SPNS3: variants seen among roughly 807,000 people sequenced by gnomAD.
SPNS3 encodes protein spinster homolog 3.
A neutral mutation model predicts 54.4 loss-of-function variants in SPNS3; 51 were observed. The observed-to-expected ratio is 0.94, with a 90% CI of 0.75 to 1.18. The LOEUF (loss-of-function observed/expected upper bound fraction) is 1.18. Among genes scored for constraint, SPNS3 ranks in the 50% most tolerant of loss-of-function variants. SPNS3 has a pLI of 0.00. For missense variants in SPNS3, 669 were observed against 677.4 expected (o/e 0.99, Z 0.14); for synonymous variants, 309 against 294.7 (o/e 1.05, Z -0.50).
At position 4,460,429 on chromosome 17, in the gene SPNS3, A is replaced by ATTT. The variant is rs34851131; in HGVS notation, c.1113+7242_1113+7244dup. On this transcript the variant is annotated intron_variant, in intron 8 of 11. Coordinates refer to ENST00000355530, the MANE Select transcript of SPNS3 (RefSeq NM_182538.5). The stretch of plus-strand genomic sequence containing the variant: ...GGTAATCATTTTTATGTATTGCTGG[A>ATTT]TTTTTTTTTTTTTTTTTTTTGAGAC... Among the ~76,000 whole-genome samples the ATTT allele has an allele frequency of 4.2e-3, 411 of 98,912 alleles. 18 individuals carry two copies. The highest frequency in any genetic ancestry group is 0.012 in the African/African-American group (324 of 26,968). 64.9% of individuals were successfully genotyped at this position (98,912 alleles called of 152,430 possible).
At chr17:4,448,104 T>G in intron 5 of SPNS3, 51 bp from the exon 6 acceptor site, 1 of 1,516,484 alleles carries the variant, frequency 6.6e-7, no homozygotes, top group Non-Finnish European at 8.8e-7. Context: ...GGGGGTCCCT[T>G]GGGCTGTGAT....
intron 8 of SPNS3, among the ~76,000 whole-genome samples, chr17:4,457,587 A>G (rs4318272): frequency 0.87 from 133,116 of 152,160 alleles, 59,570 homozygotes; most frequent in Non-Finnish European, 0.96. Context: ...GCCTGACCTC[A>G]CAGGGAGGCT....
chr17:4,457,934 T>A (rs1046301860), intron 8 of SPNS3, among the ~76,000 whole-genome samples: 2 of 152,272 alleles, frequency 1.3e-5, no homozygotes, highest in South Asian at 4.1e-4. Flanking sequence ...GCTGGGAAGC[T>A]GCTGGGTCTG....
At chr17:4,473,759 CA>C (rs1367271348) in intron 8 of SPNS3, among the ~76,000 whole-genome samples, 1 of 152,116 alleles carries the variant, frequency 6.6e-6, no homozygotes. Context: ...CTGGTGTCCA[CA>C]GGGGAGCTTG....
chr17:4,462,760 TCC>T (rs1192747034), intron 8 of SPNS3, among the ~76,000 whole-genome samples: 768 of 69,822 alleles, frequency 0.011, 35 homozygotes, highest in African/African-American at 0.033. Context: ...CACCAATCCA[TCC>T]ATCCATCCAT....
chr17:4,451,845 T>TA (rs538015103), intron 7 of SPNS3, among the ~76,000 whole-genome samples: 108 of 146,244 alleles, frequency 7.4e-4, no homozygotes, highest in African/African-American at 2.5e-3. Flanking sequence ...ATTTTTGTAT[T>TA]TTTTTTTTTT....
Position 4,448,181 on chromosome 17 carries a change from C to A in SPNS3, c.648C>A (p.Ala216=). ...TCATGCCCTGCCTGGAGGCCGTGGC[C>A]TTGATCCTGCTTATCCTGCTGGTTC... ...LRVMPCLEAV[A]LILLILLVPD... Residue 216 remains alanine (A), a synonymous_variant, in exon 6 of 12, where the codon GCC becomes GCA. Transcript: ENST00000355530. 6.2e-7 allele frequency: 1 copy of A among 1,601,516 alleles called. No individual in the cohort carries two copies. The highest frequency in any genetic ancestry group is 1.7e-5 in the Admixed American group (1 of 57,618).
Position 4,486,108 on chromosome 17 carries a change from C to A in SPNS3, c.1180-120C>A. The A allele has an allele frequency of 1.2e-6, 1 of 829,664 alleles. No homozygotes were observed. 51.4% of individuals were successfully genotyped at this position (829,664 alleles called of 1,614,324 possible). ...TTAGACCTTGGGGACCGTCGACTCC[C>A]TCCCATCCCACTCACCTGAATGGCC... On this transcript the variant is annotated intron_variant, in intron 9 of 11. Coordinates refer to ENST00000355530, the MANE Select transcript of SPNS3 (RefSeq NM_182538.5). This position sits in a 1 kb window ranked among gnomAD's most constrained non-coding sequence, Gnocchi z 5.5.
intron 8 of SPNS3, among the ~76,000 whole-genome samples, chr17:4,468,296 A>C (rs927128886): frequency 5.3e-5 from 8 of 152,214 alleles, no homozygotes; most frequent in African/African-American, 1.9e-4. Flanking sequence ...CAAACAAAAA[A>C]TAAATTAAAA....
At position 4,487,846 on chromosome 17, in the gene SPNS3, G is replaced by A. The variant is rs1242405662; in HGVS notation, c.1491G>A (p.Glu497=). Residue 497 remains glutamate (E), a synonymous_variant, in exon 12 of 12, where the codon GAG becomes GAA. Coordinates refer to ENST00000355530, the MANE Select transcript of SPNS3 (RefSeq NM_182538.5). Reference sequence around the variant, plus strand: ...ATGATGTGGACAGCAACGACCTGGAGAGACAAGGCCTACTTTCGGGCGCTG... The same window carrying A: ...ATGATGTGGACAGCAACGACCTGGAAAGACAAGGCCTACTTTCGGGCGCTG... ...DSNDVDSNDL[E]RQGLLSGAGA... 7 of 1,614,162 alleles carry A rather than the reference G, an allele frequency of 4.3e-6. No homozygotes were observed. The highest frequency in any genetic ancestry group is 4.5e-5 in the East Asian group (2 of 44,892).
At chr17:4,443,383 T>C (rs1970903359) in intron 2 of SPNS3, among the ~76,000 whole-genome samples, 1 of 152,204 alleles carries the variant, frequency 6.6e-6, no homozygotes, top group Non-Finnish European at 1.5e-5. Flanking sequence ...GAAATAGTTT[T>C]ATAACTTTTG....
rs1249147301 is a variant in SPNS3, at chr17:4,468,133, C to T, written c.1114-10439C>T. Among the ~76,000 whole-genome samples the T allele has an allele frequency of 2.0e-5, 3 of 152,122 alleles. No homozygotes were observed. The East Asian group carries it at 5.8e-4, about 29-fold the overall frequency. ...TTTAACAGGCTCTCTCTGGCTGCCA[C>T]GTTGAGAATAGAATGAAAGAGGACA... On this transcript the variant is annotated intron_variant, in intron 8 of 11. Coordinates refer to ENST00000355530, the MANE Select transcript of SPNS3 (RefSeq NM_182538.5).
chr17:4,439,415 C>T (rs962539824), intron 1 of SPNS3, among the ~76,000 whole-genome samples: 12 of 152,296 alleles, frequency 7.9e-5, no homozygotes, highest in South Asian at 2.1e-4. Context: ...CGTGAGCCAC[C>T]GTGCCCAGCC....
intron 8 of SPNS3, among the ~76,000 whole-genome samples, chr17:4,475,089 CTG>C (rs1397546420): frequency 1.3e-5 from 2 of 152,142 alleles, no homozygotes; most frequent in African/African-American, 4.8e-5. Flanking sequence ...GTGTGGGTCT[CTG>C]TGGCCGGGGA....
At chr17:4,449,414 C>G (rs779123328) in intron 7 of SPNS3, 27 bp downstream of exon 7, 1 of 1,554,628 alleles carries the variant, frequency 6.4e-7, no homozygotes, top group Non-Finnish European at 8.6e-7. Flanking sequence ...GCCCTGGGCA[C>G]CTGGCCCGGC....
intron 1 of SPNS3, among the ~76,000 whole-genome samples, chr17:4,437,450 T>G (rs1970741983): frequency 6.6e-6 from 1 of 152,122 alleles, no homozygotes; most frequent in South Asian, 2.1e-4. Context: ...GTGGATCACC[T>G]GAGATCAGGA....
chr17:4,472,774 C>CATTTTTTTTTTTTTTTTTTTTTTTTTTTT (rs1567572187), intron 8 of SPNS3, among the ~76,000 whole-genome samples: 2 of 50,940 alleles, frequency 3.9e-5, no homozygotes, highest in African/African-American at 1.8e-4. Flanking sequence ...GCTTGGCAGC[C>CATTTTTTTTTTTTTTTTTTTTTTTTTTTT]TTTTTTTTTT....
rs573511905 is a variant in SPNS3 at position 4,445,202 on chromosome 17, G to A, written c.402+34G>A. 2.4e-5 allele frequency: 38 copies of A among 1,578,958 alleles called. No individual in the cohort carries two copies. The East Asian group carries it at 6.1e-4, about 25-fold the overall frequency. ...CCATGCCCCTGTCCAGGCCCCTGAGGCCCCTTCCCCACCTGCTTCCTCCCT... is the reference window on the plus strand; with the variant it reads ...CCATGCCCCTGTCCAGGCCCCTGAGACCCCTTCCCCACCTGCTTCCTCCCT... On this transcript the variant is annotated intron_variant, in intron 3 of 11. Coordinates refer to ENST00000355530, the MANE Select transcript of SPNS3 (RefSeq NM_182538.5).
intron 8 of SPNS3, among the ~76,000 whole-genome samples, chr17:4,472,774 CTTTTTTTTTTTTTTT>C (rs375118697): frequency 1.0e-3 from 52 of 50,976 alleles, no homozygotes; most frequent in Admixed American, 1.9e-3. Flanking sequence ...GCTTGGCAGC[CTTTTTTTTTTTTTTT>C]TTTTTTTTTT....
Sources: allele counts gnomAD v4.1 joint callset (sites outside exome capture counted in the v4.1 genomes callset), GRCh38; gene constraint gnomAD v4.1.1; non-coding constraint Gnocchi (gnomAD v3.1); transcripts MANE v1.5; gene names NCBI Gene and HGNC (gene_info 2026-07-23, HGNC 2026-07-21).